The following GRXCR2 variants were observed in gnomAD, a reference collection of about 807,000 sequenced individuals.
GRXCR2 encodes the protein glutaredoxin and cysteine rich domain containing 2.
GRXCR2 carries 23 observed loss-of-function variants against 24.8 expected under a neutral mutation model. That is an observed-to-expected ratio of 0.93 (90% CI 0.67 to 1.32). The LOEUF is 1.32. Ranked by LOEUF, GRXCR2 falls within the 40% of genes most tolerant of loss-of-function variation. GRXCR2 has a pLI of 0.00. For synonymous variants in GRXCR2, 130 were observed against 116.1 expected (o/e 1.12, Z -0.77); for missense variants, 315 against 303.4 (o/e 1.04, Z -0.28).
chr5:145,859,646 G>A lies in GRXCR2; in HGVS notation c.*87C>T. On this transcript the variant is annotated 3_prime_UTR_variant, in exon 3 of 3. Coordinates refer to ENST00000377976, the MANE Select transcript of GRXCR2 (RefSeq NM_001080516.2). Reference sequence around the variant, plus strand: ...TGCAGCCACTGTGGCCTCCTTGTTGGGAGAGGCAGGAGGAGGAGAAGGGGG... The same window carrying A: ...TGCAGCCACTGTGGCCTCCTTGTTGAGAGAGGCAGGAGGAGGAGAAGGGGG... 2 of 1,247,670 alleles carry A rather than the reference G, an allele frequency of 1.6e-6. No individual in the cohort carries two copies. Among genetic ancestry groups the A allele is most frequent in the Non-Finnish European group, 2.3e-6 (2 of 863,374 alleles). The allele number at this position is 1,247,670 out of a possible 1,614,324, so 77.3% of individuals were successfully genotyped here.
chr5:145,876,191 G>GTATATATATATATATATATATA (rs748811333), upstream of GRXCR2, among the ~76,000 whole-genome samples: 1 of 105,308 alleles, frequency 9.5e-6, no homozygotes, highest in Non-Finnish European at 1.8e-5. Context: ...GTGTGTGTGT[G>GTATATATATATATATATATATA]TATATATATA....
rs565856384 is a variant in GRXCR2 at position 145,894,460 on chromosome 5, G to A, written c.-69-27732C>T. 1.0e-3 allele frequency among the ~76,000 whole-genome samples: 158 copies of A among 152,080 alleles called. 1 individual carries two copies. Among genetic ancestry groups the A allele is most frequent in the Middle Eastern group, 0.01 (3 of 294 alleles). The stretch of plus-strand genomic sequence containing the variant: ...AAATGATAAAGGGGATATCACCACT[G>A]ATCCCACAGAAATACAAACTACCAT... On this transcript the variant is annotated intron_variant, in intron 2 of 3. Coordinates refer to the GRXCR2 transcript ENST00000639411.
chr5:145,895,864 C>A (rs1172047884), intron 2 of GRXCR2, among the ~76,000 whole-genome samples: 1 of 152,192 alleles, frequency 6.6e-6, no homozygotes, highest in Non-Finnish European at 1.5e-5. Context: ...AGGCATCACA[C>A]TACCTGACTT....
chr5:145,921,152 T>C (rs1757315967), intron 2 of GRXCR2, among the ~76,000 whole-genome samples: 1 of 152,228 alleles, frequency 6.6e-6, no homozygotes, highest in Non-Finnish European at 1.5e-5. Flanking sequence ...TGAAATCACA[T>C]ATCAGGTAGG....
In GRXCR2 at chr5:145,868,315, C is replaced by T. The variant is rs535933574; in HGVS notation, c.337-1587G>A. On this transcript the variant is annotated intron_variant, in intron 1 of 2. Coordinates refer to ENST00000377976, the MANE Select transcript of GRXCR2 (RefSeq NM_001080516.2). Reference sequence around the variant, plus strand: ...ACTGTATAAACCAAATCTATTTATACGCTAAAGTTAAGCAGTCTTGTATTT... The same window carrying T: ...ACTGTATAAACCAAATCTATTTATATGCTAAAGTTAAGCAGTCTTGTATTT... 7.2e-5 allele frequency among the ~76,000 whole-genome samples: 11 copies of T among 152,236 alleles called. No homozygotes were observed. The South Asian group carries it at 1.2e-3, about 17-fold the overall frequency.
chr5:145,878,774 A>G (rs1581337376), intron 2 of GRXCR2, among the ~76,000 whole-genome samples: 1 of 152,240 alleles, frequency 6.6e-6, no homozygotes, highest in Non-Finnish European at 1.5e-5. Flanking sequence ...AATGAAGGAA[A>G]GAATGGTAAG....
Position 145,904,449 on chromosome 5 carries a change from C to T in GRXCR2, c.-70+31252G>A, listed in dbSNP as rs955226665. 2.6e-5 allele frequency among the ~76,000 whole-genome samples: 4 copies of T among 152,204 alleles called. No homozygotes were observed. In the South Asian group the frequency reaches 6.2e-4, roughly 24 times the overall value. On this transcript the variant is annotated intron_variant, in intron 2 of 3. Coordinates refer to the GRXCR2 transcript ENST00000639411. ...GAAGTTTTTAACCTCTGACAATCTA[C>T]GGTTCCTTAATGAGATGAACACCTT...
chr5:145,863,813 T>G (rs977335606), intron 2 of GRXCR2, among the ~76,000 whole-genome samples: 4 of 152,166 alleles, frequency 2.6e-5, no homozygotes, highest in African/African-American at 9.7e-5. Context: ...TAGTTCTGTG[T>G]AGAACATGAG....
At chr5:145,902,714 A>T (rs1163266649) in intron 2 of GRXCR2, among the ~76,000 whole-genome samples, 1 of 152,160 alleles carries the variant, frequency 6.6e-6, no homozygotes, top group Non-Finnish European at 1.5e-5. Context: ...CACCAATTAC[A>T]CTGTGCATTA....
At chr5:145,874,238 TCTGTTGCCAGG>T (rs1756578832), upstream of GRXCR2, among the ~76,000 whole-genome samples, 2 of 151,350 alleles carry the variant, frequency 1.3e-5, no homozygotes, top group African/African-American at 4.9e-5. Flanking sequence ...GGAGTCTCAC[TCTGTTGCCAGG>T]CTGGAGTGCA....
chr5:145,866,961 A>C (rs1220315832), intron 1 of GRXCR2, among the ~76,000 whole-genome samples: 5 of 152,084 alleles, frequency 3.3e-5, no homozygotes, highest in Non-Finnish European at 7.3e-5. Context: ...AAGCTGAACT[A>C]CTCAGAGTAT....
At chr5:145,868,225 G>C (rs769301856) in intron 1 of GRXCR2, among the ~76,000 whole-genome samples, 4 of 152,094 alleles carry the variant, frequency 2.6e-5, no homozygotes, top group Non-Finnish European at 5.9e-5. Flanking sequence ...TTCTTCTGTA[G>C]TGCATGCACA....
At chr5:145,862,325 G>A (rs1274697517) in intron 2 of GRXCR2, among the ~76,000 whole-genome samples, 1 of 152,190 alleles carries the variant, frequency 6.6e-6, no homozygotes, top group Non-Finnish European at 1.5e-5. Flanking sequence ...TATATCTAAT[G>A]TCATATAGTT....
At chr5:145,862,886 C>T (rs935916383) in intron 2 of GRXCR2, among the ~76,000 whole-genome samples, 1 of 152,162 alleles carries the variant, frequency 6.6e-6, no homozygotes, top group Admixed American at 6.5e-5. Context: ...GTTAAATGAA[C>T]TGTTGCATGG....
intron 2 of GRXCR2, among the ~76,000 whole-genome samples, chr5:145,926,670 C>T (rs1299080047): frequency 6.6e-6 from 1 of 152,114 alleles, no homozygotes; most frequent in Non-Finnish European, 1.5e-5. Flanking sequence ...GTGATGCCTC[C>T]AGCTTTGTTC....
intron 2 of GRXCR2, among the ~76,000 whole-genome samples, chr5:145,896,030 G>A (rs529903569): frequency 1.3e-5 from 2 of 152,268 alleles, no homozygotes; most frequent in East Asian, 1.9e-4. Flanking sequence ...AAGAAATGGG[G>A]AAAGGATTCC....
intron 2 of GRXCR2, among the ~76,000 whole-genome samples, chr5:145,898,328 A>T (rs913160357): frequency 6.6e-6 from 1 of 151,894 alleles, no homozygotes; most frequent in Non-Finnish European, 1.5e-5. Flanking sequence ...GCCCTGGACC[A>T]GATGGATTCA....
intron 2 of GRXCR2, among the ~76,000 whole-genome samples, chr5:145,920,951 C>T (rs559116549): frequency 6.6e-6 from 1 of 152,356 alleles, no homozygotes; most frequent in South Asian, 2.1e-4. Context: ...AGGCCCTCAC[C>T]AGACACCAAA....
rs1757368892 is a variant in GRXCR2, at chr5:145,924,831, A to C, written c.-70+10870T>G. Among the ~76,000 whole-genome samples the C allele has an allele frequency of 2.0e-5, 3 of 152,276 alleles. 1 individual carries two copies. Among genetic ancestry groups the C allele is most frequent in the African/African-American group, 7.2e-5 (3 of 41,556 alleles). On this transcript the variant is annotated intron_variant, in intron 2 of 3. Transcript: ENST00000639411. ...AGTAGCCAATCCCACCCCCTCTTAA[A>C]AGTTTTACAGGGTGTAGCAATGCCC...
Sources: gnomAD v4.1 joint callset for allele counts (sites outside exome capture counted in the v4.1 genomes callset) on GRCh38, gnomAD v4.1.1 for gene constraint, MANE v1.5 for transcripts, NCBI Gene and HGNC (gene_info 2026-07-23, HGNC 2026-07-21) for gene names.